The following THEMIS variants were observed in gnomAD, a reference collection of about 807,000 sequenced individuals.
The protein encoded by THEMIS is thymocyte selection associated, also known as protein THEMIS.
Under a neutral mutation model 52.6 loss-of-function variants are expected in THEMIS, and 37 were observed. The ratio of observed to expected loss-of-function variants is 0.70; its 90% CI spans 0.54 to 0.93. The LOEUF (loss-of-function observed/expected upper bound fraction) is 0.93, where lower values mean the gene tolerates loss of function less well. Among genes scored for constraint, THEMIS ranks in the 40% least tolerant of loss-of-function variants. THEMIS has a pLI of 0.00. For missense variants in THEMIS, 808 were observed against 763.1 expected, an observed-to-expected ratio of 1.06 and a Z score of -0.69; for synonymous variants, 292 against 272.7, an observed-to-expected ratio of 1.07 and a Z score of -0.70.
chr6:127,913,890 A>G (rs1781463971), intron 1 of THEMIS, among the ~76,000 whole-genome samples: 1 of 152,180 alleles, frequency 6.6e-6, no homozygotes, highest in Non-Finnish European at 1.5e-5. Flanking sequence ...TATTGCTCCT[A>G]AACTCCTTAG....
At chr6:127,795,579 C>T (rs113099472) in intron 4 of THEMIS, among the ~76,000 whole-genome samples, 32 of 152,170 alleles carry the variant, frequency 2.1e-4, no homozygotes, top group Non-Finnish European at 4.1e-4. Flanking sequence ...CTGCCCGCCT[C>T]GGCCTCCCAA....
chr6:127,791,097 C>T (rs1170384263), intron 4 of THEMIS, among the ~76,000 whole-genome samples: 1 of 152,204 alleles, frequency 6.6e-6, no homozygotes, highest in Non-Finnish European at 1.5e-5. Flanking sequence ...TATTTCAGCC[C>T]TGTTTGTGTT....
At chr6:127,767,336 C>A (rs1440307866) in intron 4 of THEMIS, among the ~76,000 whole-genome samples, 1 of 152,164 alleles carries the variant, frequency 6.6e-6, no homozygotes, top group Non-Finnish European at 1.5e-5. Context: ...AAGTGATCTG[C>A]CAGCCTTGGC....
At chr6:127,837,884 T>C (rs1313325550) in intron 2 of THEMIS, among the ~76,000 whole-genome samples, 1 of 152,246 alleles carries the variant, frequency 6.6e-6, no homozygotes, top group East Asian at 1.9e-4. Flanking sequence ...ATATAGTTGT[T>C]AATAGATGAA....
At chr6:127,721,157 C>G (rs189126099) in intron 4 of THEMIS, among the ~76,000 whole-genome samples, 2 of 152,074 alleles carry the variant, frequency 1.3e-5, no homozygotes, top group Non-Finnish European at 2.9e-5. Flanking sequence ...TTAGGTCACC[C>G]CAGTTGTCCA....
intron 1 of THEMIS, among the ~76,000 whole-genome samples, chr6:127,914,936 A>C (rs1781489010): frequency 6.6e-6 from 1 of 152,194 alleles, no homozygotes; most frequent in Non-Finnish European, 1.5e-5. Flanking sequence ...ATTGACCAGA[A>C]ACACACTTTG....
chr6:127,866,314 C>T (rs994599415), intron 1 of THEMIS, among the ~76,000 whole-genome samples: 1 of 151,902 alleles, frequency 6.6e-6, no homozygotes, highest in African/African-American at 2.4e-5. Flanking sequence ...CATATAGTGT[C>T]TATAGTTTTA....
At chr6:127,887,498 C>T (rs1780681051) in intron 1 of THEMIS, among the ~76,000 whole-genome samples, 1 of 151,962 alleles carries the variant, frequency 6.6e-6, no homozygotes, top group African/African-American at 2.4e-5. Context: ...TGTGGTATAT[C>T]CATACAATAA....
At chr6:127,755,706 T>C (rs1218604678) in intron 4 of THEMIS, among the ~76,000 whole-genome samples, 2 of 152,004 alleles carry the variant, frequency 1.3e-5, no homozygotes, top group East Asian at 3.9e-4. Context: ...TTTGTTTTTA[T>C]AAAAAAGGGT....
chr6:127,715,346 G>A (rs1215074741), intron 5 of THEMIS, among the ~76,000 whole-genome samples: 1 of 151,830 alleles, frequency 6.6e-6, no homozygotes, highest in Non-Finnish European at 1.5e-5. Flanking sequence ...AGGTTTTCTA[G>A]ACTTTGGAAT....
chr6:127,719,896 A>T, intron 4 of THEMIS, 73 bp from the exon 5 acceptor site: 1 of 1,547,506 alleles, frequency 6.5e-7, no homozygotes, highest in Non-Finnish European at 8.8e-7. Context: ...AAGATTTATC[A>T]CATGGCAATT....
intron 1 of THEMIS, among the ~76,000 whole-genome samples, chr6:127,877,884 CA>C (rs201461312): frequency 2.0e-5 from 3 of 150,080 alleles, no homozygotes; most frequent in African/African-American, 7.3e-5. Flanking sequence ...TTGTGAAGCA[CA>C]AAAAAAAATG....
At chr6:127,802,021 C>T (rs1777552928) in intron 4 of THEMIS, among the ~76,000 whole-genome samples, 2 of 152,184 alleles carry the variant, frequency 1.3e-5, no homozygotes, top group African/African-American at 4.8e-5. Flanking sequence ...TAAGTAGGAA[C>T]TCTGCATTTA....
chr6:127,871,552 G>T (rs1489503925), intron 1 of THEMIS, among the ~76,000 whole-genome samples: 1 of 151,636 alleles, frequency 6.6e-6, no homozygotes, highest in Admixed American at 6.6e-5. Flanking sequence ...CAATAAAATT[G>T]ATAAAATACT....
At chr6:127,727,545 A>G (rs984268911) in intron 4 of THEMIS, among the ~76,000 whole-genome samples, 7 of 152,160 alleles carry the variant, frequency 4.6e-5, no homozygotes, top group Non-Finnish European at 8.8e-5. Flanking sequence ...ATTAAAAATT[A>G]CCTTTGAAAT....
chr6:127,822,215 T>G (rs1778364801), intron 3 of THEMIS, among the ~76,000 whole-genome samples: 1 of 152,074 alleles, frequency 6.6e-6, no homozygotes, highest in South Asian at 2.1e-4. Flanking sequence ...TTACTAAAAA[T>G]TTCTGAGCTC....
the THEMIS span, among the ~76,000 whole-genome samples, chr6:127,702,396 C>A: frequency 2.6e-5 from 4 of 152,140 alleles, no homozygotes; most frequent in Non-Finnish European, 4.4e-5. Context: ...CTGGAAAGGT[C>A]TCAGACATCA....
chr6:127,775,277 A>G (rs577596261), intron 4 of THEMIS, among the ~76,000 whole-genome samples: 19 of 152,314 alleles, frequency 1.2e-4, no homozygotes, highest in African/African-American at 4.6e-4. Context: ...TGTTCCTTTC[A>G]GTCCAGGCTA....
intron 4 of THEMIS, among the ~76,000 whole-genome samples, chr6:127,784,729 G>A (rs1776864545): frequency 6.6e-6 from 1 of 152,140 alleles, no homozygotes; most frequent in Non-Finnish European, 1.5e-5. Flanking sequence ...ATGAGGTAGA[G>A]CTGAGATGGA....
Sources: allele counts gnomAD v4.1 joint callset (sites outside exome capture counted in the v4.1 genomes callset), GRCh38; gene constraint gnomAD v4.1.1; transcripts MANE v1.5; gene names NCBI Gene and HGNC (gene_info 2026-07-23, HGNC 2026-07-21).